APP: variants seen among roughly 807,000 people sequenced by gnomAD.
The protein encoded by APP is amyloid-beta precursor protein.
Under a neutral mutation model 101.4 loss-of-function variants are expected in APP, and 31 were observed. The observed-to-expected ratio is 0.31, with a 90% CI of 0.23 to 0.41. APP has a LOEUF of 0.41. APP is among the 10% of genes least tolerant of loss of function. APP has a pLI of 1.00. For missense variants in APP, 839 were observed against 1,003.7 expected, an observed-to-expected ratio of 0.84 and a Z score of 2.22; for synonymous variants, 366 against 364.4, an observed-to-expected ratio of 1.00 and a Z score of -0.05.
At chr21:26,084,253 T>C (rs1009790630) in intron 3 of APP, among the ~76,000 whole-genome samples, 2 of 110,644 alleles carry the variant, frequency 1.8e-5, no homozygotes, top group African/African-American at 5.9e-5. Context: ...TTTTTTTTTT[T>C]TTTGAGACTG....
At chr21:25,891,001 C>T (rs2037659808) in intron 17 of APP, among the ~76,000 whole-genome samples, 1 of 152,188 alleles carries the variant, frequency 6.6e-6, no homozygotes, top group South Asian at 2.1e-4. Context: ...TAAAAAGTTG[C>T]ATATACTGTG....
intron 13 of APP, among the ~76,000 whole-genome samples, chr21:25,931,707 C>A (rs1455566119): frequency 6.6e-6 from 1 of 152,170 alleles, no homozygotes; most frequent in East Asian, 1.9e-4. Context: ...GGGCGAGATG[C>A]TATCGGGGTG....
intron 9 of APP, 45 bp downstream of exon 9, chr21:25,982,299 G>T: frequency 6.2e-7 from 1 of 1,609,040 alleles, no homozygotes; most frequent in Non-Finnish European, 8.5e-7. Context: ...GCAAGCTCAG[G>T]TTTCCCAATA....
At chr21:26,077,372 TA>T (rs2061517322) in intron 3 of APP, among the ~76,000 whole-genome samples, 1 of 152,192 alleles carries the variant, frequency 6.6e-6, no homozygotes, top group African/African-American at 2.4e-5. Context: ...TTACCCCATA[TA>T]TGGCATCTGT....
At chr21:26,136,337 CA>C (rs1222308761) in intron 1 of APP, among the ~76,000 whole-genome samples, 1 of 152,106 alleles carries the variant, frequency 6.6e-6, no homozygotes, top group East Asian at 1.9e-4. Context: ...AGCCACCGAG[CA>C]ATCATATACA....
At position 26,000,096 on chromosome 21, in the gene APP, G is replaced by A; in HGVS notation, c.952C>T (p.Pro318Ser). 1 of 1,614,140 alleles carries A rather than the reference G, an allele frequency of 6.2e-7. No individual in the cohort carries two copies. The highest frequency in any genetic ancestry group is 8.5e-7 in the Non-Finnish European group (1 of 1,180,004). The change falls in exon 7 of 18, where the codon CCA (proline) becomes TCA (serine). Residue 318 changes from proline to serine, a missense_variant. Pro to Ser is a moderately conservative substitution (Grantham distance 74). Coordinates refer to ENST00000346798, the MANE Select transcript of APP (RefSeq NM_000484.4). Reference protein sequence around the residue: ...YFDVTEGKCAPFFYGGCGGNR... With the variant: ...YFDVTEGKCASFFYGGCGGNR... ...CCGCCACATCCGCCGTAAAAGAATG[G>A]GGCACACTTCCCTTCAGTCACATCA...
chr21:26,158,353 AT>A (rs2063416710), intron 1 of APP: 1 of 152,136 alleles, frequency 6.6e-6, no homozygotes, highest in Non-Finnish European at 1.5e-5. Flanking sequence ...ATTTTCCTCT[AT>A]CCCTTTATGG....
rs141582499 is a variant in APP, at chr21:25,933,044, A to G, written c.1688-21082T>C. 2.5e-3 allele frequency among the ~76,000 whole-genome samples: 374 copies of G among 152,344 alleles called. 2 individuals are homozygous for G. Among genetic ancestry groups the G allele is most frequent in the African/African-American group, 8.5e-3 (354 of 41,580 alleles). On this transcript the variant is annotated intron_variant, in intron 13 of 17. Coordinates refer to ENST00000346798, the MANE Select transcript of APP (RefSeq NM_000484.4). ...TTATATGAGAAAACTTAATATATTC[A>G]TATAATTTGGAAAGATCAAATCAGT...
intron 1 of APP, among the ~76,000 whole-genome samples, chr21:26,160,332 CACA>C (rs761455616): frequency 6.6e-6 from 1 of 152,202 alleles, no homozygotes; most frequent in African/African-American, 2.4e-5. Context: ...AACGCCCCTC[CACA>C]ACAACCATAG....
intron 17 of APP, among the ~76,000 whole-genome samples, chr21:25,891,254 TCA>T (rs2037677938): frequency 6.6e-6 from 1 of 151,926 alleles, no homozygotes; most frequent in East Asian, 1.9e-4. Context: ...CACTGAAAAG[TCA>T]CATTATTTAC....
chr21:26,131,129 T>C (rs963168095), intron 1 of APP, among the ~76,000 whole-genome samples: 2 of 152,078 alleles, frequency 1.3e-5, no homozygotes, highest in Non-Finnish European at 2.9e-5. Flanking sequence ...CTCAGGAGGC[T>C]GAGGCAGGAG....
Position 26,110,425 on chromosome 21 carries a change from G to A in APP, c.225+1554C>T, listed in dbSNP as rs746196444. ...TGCACCACTGCACTCCATCCTGGGCGACAGAGCAAGATGTCATCTCAAAAA... is the reference window on the plus strand; with the variant it reads ...TGCACCACTGCACTCCATCCTGGGCAACAGAGCAAGATGTCATCTCAAAAA... On this transcript the variant is annotated intron_variant, in intron 2 of 17. Transcript: ENST00000346798. Among the ~76,000 whole-genome samples the A allele has an allele frequency of 3.9e-5, 6 of 151,906 alleles. No homozygotes were observed. In the South Asian group the frequency reaches 6.2e-4, roughly 16 times the overall value.
chr21:26,008,679 C>T (rs1340550094), intron 6 of APP, among the ~76,000 whole-genome samples: 2 of 152,142 alleles, frequency 1.3e-5, no homozygotes, highest in African/African-American at 4.8e-5. Context: ...GCTACACTAC[C>T]ATGTTAATGA....
chr21:25,902,657 T>C (rs1016879652), intron 15 of APP, among the ~76,000 whole-genome samples: 1 of 152,242 alleles, frequency 6.6e-6, no homozygotes, highest in African/African-American at 2.4e-5. Context: ...ATAACCTCTC[T>C]GGAAGCCCAT....
intron 17 of APP, among the ~76,000 whole-genome samples, chr21:25,884,115 A>T (rs2037168967): frequency 6.6e-6 from 1 of 152,184 alleles, no homozygotes; most frequent in Admixed American, 6.5e-5. Context: ...ACCTCAGGTG[A>T]TCCGCCTACC....
At chr21:25,887,858 T>C (rs1179874699) in intron 17 of APP, among the ~76,000 whole-genome samples, 1 of 152,240 alleles carries the variant, frequency 6.6e-6, no homozygotes, top group Admixed American at 6.5e-5. Flanking sequence ...TTATGATGTT[T>C]GCACAGCGAT....
intron 1 of APP, among the ~76,000 whole-genome samples, chr21:26,126,754 T>A (rs766733791): frequency 1.3e-5 from 2 of 152,112 alleles, no homozygotes; most frequent in Non-Finnish European, 2.9e-5. Context: ...TGTCAGTAAT[T>A]CCCAGGTTGA....
intron 15 of APP, among the ~76,000 whole-genome samples, chr21:25,901,624 G>A (rs1402408346): frequency 6.6e-6 from 1 of 152,218 alleles, no homozygotes; most frequent in Non-Finnish European, 1.5e-5. Flanking sequence ...GATAATGCAT[G>A]TAATAAAATG....
chr21:26,097,881 C>T lies in APP; in HGVS notation c.226-7809G>A, dbSNP rs538625248. Among the ~76,000 whole-genome samples the T allele has an allele frequency of 1.3e-3, 193 of 152,082 alleles. 8 individuals are homozygous for T. The highest frequency in any genetic ancestry group is 0.013 in the Admixed American group (192 of 15,272). On this transcript the variant is annotated intron_variant, in intron 2 of 17. Transcript: ENST00000346798. ...GGATCACAAGGTCAGTAGATCGAGA[C>T]CATCCTGGCTAACATGGTGAAACCC... is the stretch of plus-strand genomic sequence containing the variant.
Sources: allele counts gnomAD v4.1 joint callset (sites outside exome capture counted in the v4.1 genomes callset), GRCh38; gene constraint gnomAD v4.1.1; transcripts MANE v1.5; gene names NCBI Gene and HGNC (gene_info 2026-07-23, HGNC 2026-07-21).